The following DIP2C variants were observed in gnomAD, a reference collection of about 807,000 sequenced individuals.
DIP2C encodes disco-interacting protein 2 homolog C.
In DIP2C, 33 loss-of-function variants were observed where a neutral mutation model predicts 192.4. That is an observed-to-expected ratio of 0.17 (90% confidence interval 0.13 to 0.23). The LOEUF (loss-of-function observed/expected upper bound fraction) is 0.23, where lower values mean the gene tolerates loss of function less well. Ranked by LOEUF, DIP2C falls within the 10% of genes least tolerant of loss-of-function variation. The probability of loss-of-function intolerance (pLI) is 1.00; values close to 1 mark genes in which losing one functional copy is unlikely to be tolerated. For missense variants in DIP2C, 1,537 were observed against 2,110.1 expected (o/e 0.73, Z 5.32); for synonymous variants, 979 against 864.1 (o/e 1.13, Z -2.33).
intron 1 of DIP2C, among the ~76,000 whole-genome samples, chr10:548,504 C>T (rs1253113365): frequency 8.3e-6 from 1 of 120,344 alleles, no homozygotes; most frequent in Non-Finnish European, 1.6e-5. Context: ...GTGATGTGGC[C>T]AGGAGGGAGG....
At chr10:506,557 C>T (rs747761363) in intron 1 of DIP2C, among the ~76,000 whole-genome samples, 5 of 152,164 alleles carry the variant, frequency 3.3e-5, no homozygotes, top group Non-Finnish European at 5.9e-5. Context: ...CTGAATGATA[C>T]GCCAACGTAC....
intron 31 of DIP2C, among the ~76,000 whole-genome samples, chr10:325,416 G>A (rs777375901): frequency 2.0e-5 from 3 of 152,282 alleles, no homozygotes; most frequent in African/African-American, 7.2e-5. Context: ...ACGATGCGAC[G>A]GGTTACTCTC....
At chr10:580,297 G>A (rs10128217) in intron 1 of DIP2C, among the ~76,000 whole-genome samples, 7,370 of 152,202 alleles carry the variant, frequency 0.048, 224 homozygotes, top group East Asian at 0.082. Context: ...TGCAGCATGC[G>A]TACATTAGTG....
At chr10:304,676 A>G (rs923128140) in intron 32 of DIP2C, among the ~76,000 whole-genome samples, 1 of 119,078 alleles carries the variant, frequency 8.4e-6, no homozygotes, top group Admixed American at 9.7e-5. Context: ...CACACACACA[A>G]TACTCACATA....
At chr10:444,819 C>G (rs972818254) in intron 3 of DIP2C, among the ~76,000 whole-genome samples, 7 of 152,342 alleles carry the variant, frequency 4.6e-5, no homozygotes, top group African/African-American at 1.7e-4. Flanking sequence ...ATAATTTGCT[C>G]ATGTTTCTCC....
intron 3 of DIP2C, among the ~76,000 whole-genome samples, chr10:442,262 C>T (rs1002299730): frequency 6.6e-6 from 1 of 152,076 alleles, no homozygotes; most frequent in East Asian, 1.9e-4. Context: ...GCTTAAACCC[C>T]GCGAGCTGCC....
chr10:418,083 GGCCTCAGATA>G (rs1383749749), intron 6 of DIP2C, among the ~76,000 whole-genome samples: 1 of 7,016 alleles, frequency 1.4e-4, no homozygotes, highest in African/African-American at 3.1e-4. Context: ...GCACCTGTCA[GGCCTCAGATA>G]GGCATCCCCG....
At chr10:339,678 C>A (rs1322139699) in intron 29 of DIP2C, among the ~76,000 whole-genome samples, 1 of 151,870 alleles carries the variant, frequency 6.6e-6, no homozygotes, top group East Asian at 1.9e-4. Context: ...ATGTTCTGAG[C>A]GATTTTCCAA....
intron 31 of DIP2C, chr10:311,445 C>T (rs1185488719): frequency 1.8e-6 from 2 of 1,134,802 alleles, no homozygotes; most frequent in Non-Finnish European, 2.2e-6. Context: ...AATCTCTGCA[C>T]TCAACTGCTA....
chr10:279,506 G>A (rs954796903), intron 36 of DIP2C, among the ~76,000 whole-genome samples: 2 of 152,186 alleles, frequency 1.3e-5, no homozygotes, highest in East Asian at 1.9e-4. Flanking sequence ...AGCTGTGCAC[G>A]CTATTTAATG....
chr10:597,148 C>T (rs886231261), intron 1 of DIP2C, among the ~76,000 whole-genome samples: 6 of 152,320 alleles, frequency 3.9e-5, no homozygotes, highest in Admixed American at 1.3e-4. Flanking sequence ...GCTGGGCTCG[C>T]TCCACCTGTC....
chr10:562,619 A>G (rs891795220), intron 1 of DIP2C, among the ~76,000 whole-genome samples: 5 of 152,246 alleles, frequency 3.3e-5, no homozygotes, highest in African/African-American at 1.2e-4. Flanking sequence ...TCTACTTTAA[A>G]CATTACGTGT....
At chr10:286,397 G>C in intron 33 of DIP2C, 50 bp from the exon 34 acceptor site, 2 of 1,538,230 alleles carry the variant, frequency 1.3e-6, no homozygotes, top group Non-Finnish European at 1.8e-6. Flanking sequence ...TACAGGGAGA[G>C]ACTACACACA....
chr10:422,097 C>G (rs1284622613), intron 5 of DIP2C, among the ~76,000 whole-genome samples: 1 of 152,130 alleles, frequency 6.6e-6, no homozygotes, highest in Non-Finnish European at 1.5e-5. Context: ...GGTCTGAGCC[C>G]GTGGCTCGAG....
intron 29 of DIP2C, among the ~76,000 whole-genome samples, chr10:339,200 G>A (rs117311264): frequency 0.016 from 2,385 of 152,206 alleles, 27 homozygotes; most frequent in Middle Eastern, 0.041. Flanking sequence ...TTTAACTTAT[G>A]TATTAGTCAT....
intron 1 of DIP2C, among the ~76,000 whole-genome samples, chr10:645,358 C>G (rs993315181): frequency 6.6e-6 from 1 of 152,146 alleles, no homozygotes; most frequent in Non-Finnish European, 1.5e-5. Flanking sequence ...ATTTAGAAAT[C>G]CTTCTCCATG....
At chr10:318,562 GTGGTTC>G (rs1260135222) in intron 31 of DIP2C, among the ~76,000 whole-genome samples, 1 of 152,214 alleles carries the variant, frequency 6.6e-6, no homozygotes, top group Non-Finnish European at 1.5e-5. Flanking sequence ...TACTCCCTTG[GTGGTTC>G]TGAGAGCCAC....
intron 32 of DIP2C, among the ~76,000 whole-genome samples, chr10:290,727 G>C (rs1177426736): frequency 6.6e-6 from 1 of 152,196 alleles, no homozygotes; most frequent in Non-Finnish European, 1.5e-5. Context: ...ACTAGGAGGG[G>C]GTCAGAGGCC....
chr10:467,382 G>C (rs1024256621), intron 3 of DIP2C, among the ~76,000 whole-genome samples: 3 of 148,296 alleles, frequency 2.0e-5, no homozygotes, highest in Non-Finnish European at 4.5e-5. Flanking sequence ...GGACTGTGGT[G>C]GGGTGGGGGG....
Sources: allele counts gnomAD v4.1 joint callset (sites outside exome capture counted in the v4.1 genomes callset), GRCh38; gene constraint gnomAD v4.1.1; transcripts MANE v1.5; gene names NCBI Gene and HGNC (gene_info 2026-07-23, HGNC 2026-07-21).